The following SPOCK1 variants were observed in gnomAD, a reference collection of about 807,000 sequenced individuals.
The protein encoded by SPOCK1 is testican-1.
SPOCK1 carries 23 observed loss-of-function variants against 55.3 expected under a neutral mutation model. That is an observed-to-expected ratio of 0.42 (90% CI 0.30 to 0.59). SPOCK1 has a LOEUF of 0.59. Among genes scored for constraint, SPOCK1 ranks in the 20% least tolerant of loss-of-function variants. The probability of loss-of-function intolerance (pLI) is 0.22; values close to 1 mark genes in which losing one functional copy is unlikely to be tolerated. For missense variants in SPOCK1, 499 were observed against 552.5 expected (o/e 0.90, Z 0.97); for synonymous variants, 226 against 221.0 (o/e 1.02, Z -0.20).
At chr5:137,090,561 C>G (rs1361002199) in intron 5 of SPOCK1, among the ~76,000 whole-genome samples, 1 of 152,216 alleles carries the variant, frequency 6.6e-6, no homozygotes, top group Non-Finnish European at 1.5e-5. Flanking sequence ...GTCCAGCCAT[C>G]TCCACACCCC....
chr5:137,379,336 T>C (rs75681681), intron 2 of SPOCK1, among the ~76,000 whole-genome samples: 2,114 of 152,242 alleles, frequency 0.014, 44 homozygotes, highest in African/African-American at 0.048. Flanking sequence ...AAGAGTTTCA[T>C]CATAATGATT....
At chr5:137,225,215 T>G (rs1755922943) in intron 3 of SPOCK1, among the ~76,000 whole-genome samples, 1 of 152,020 alleles carries the variant, frequency 6.6e-6, no homozygotes, top group Non-Finnish European at 1.5e-5. Flanking sequence ...AGTGCAGAAC[T>G]GGGCTCAGTT....
chr5:137,245,084 T>C (rs1441901089), intron 3 of SPOCK1, among the ~76,000 whole-genome samples: 4 of 152,128 alleles, frequency 2.6e-5, no homozygotes, highest in African/African-American at 4.8e-5. Context: ...AGATAATGAC[T>C]CTCTCCCTCC....
chr5:137,143,382 A>G (rs1561625391), intron 3 of SPOCK1, among the ~76,000 whole-genome samples: 1 of 152,174 alleles, frequency 6.6e-6, no homozygotes, highest in Non-Finnish European at 1.5e-5. Context: ...CAGTGCAATC[A>G]CAAGGATCAT....
intron 2 of SPOCK1, among the ~76,000 whole-genome samples, chr5:137,325,108 G>C (rs556165202): frequency 6.6e-6 from 1 of 152,128 alleles, no homozygotes; most frequent in South Asian, 2.1e-4. Context: ...CTGTCTTTCC[G>C]AGAGGAAAGG....
chr5:137,068,758 C>T (rs1160189332), intron 5 of SPOCK1, among the ~76,000 whole-genome samples: 3 of 152,194 alleles, frequency 2.0e-5, no homozygotes, highest in African/African-American at 2.4e-5. Flanking sequence ...TATGGGGCTT[C>T]GGAATACAGA....
intron 3 of SPOCK1, among the ~76,000 whole-genome samples, chr5:137,235,491 C>A (rs2127096641): frequency 6.6e-6 from 1 of 152,258 alleles, no homozygotes; most frequent in South Asian, 2.1e-4. Flanking sequence ...CAAGTGCTGA[C>A]AAGAAAAACA....
intron 2 of SPOCK1, among the ~76,000 whole-genome samples, chr5:137,323,806 A>G (rs1237801205): frequency 6.6e-6 from 1 of 152,188 alleles, no homozygotes; most frequent in Non-Finnish European, 1.5e-5. Context: ...TGGAATGACT[A>G]TCACCAAAAA....
At chr5:137,131,520 A>G (rs1171258083) in intron 4 of SPOCK1, among the ~76,000 whole-genome samples, 3 of 152,070 alleles carry the variant, frequency 2.0e-5, no homozygotes, top group Non-Finnish European at 4.4e-5. Flanking sequence ...AGGCAGGAGA[A>G]TCGCTTGAAC....
chr5:137,309,387 G>A (rs1580859527), intron 2 of SPOCK1, among the ~76,000 whole-genome samples: 1 of 152,276 alleles, frequency 6.6e-6, no homozygotes, highest in East Asian at 1.9e-4. Context: ...GGCCGCCCCA[G>A]CCTGGTCTCC....
At chr5:137,174,346 A>T in intron 3 of SPOCK1, among the ~76,000 whole-genome samples, 1 of 152,242 alleles carries the variant, frequency 6.6e-6, no homozygotes, top group Non-Finnish European at 1.5e-5. Flanking sequence ...GGAAGAGACA[A>T]GCTGACCTAA....
At chr5:137,363,369 T>C (rs942736304) in intron 2 of SPOCK1, among the ~76,000 whole-genome samples, 2 of 152,218 alleles carry the variant, frequency 1.3e-5, no homozygotes, top group African/African-American at 4.8e-5. Flanking sequence ...AACTTGTAAA[T>C]ATTGGCTTAC....
intron 6 of SPOCK1, among the ~76,000 whole-genome samples, chr5:137,027,936 G>A (rs771150134): frequency 5.3e-5 from 8 of 152,350 alleles, no homozygotes; most frequent in Non-Finnish European, 8.8e-5. Flanking sequence ...GGGAGAGTGA[G>A]TGTCTATGAG....
intron 5 of SPOCK1, among the ~76,000 whole-genome samples, chr5:137,073,112 T>C (rs573246538): frequency 3.3e-5 from 5 of 152,366 alleles, no homozygotes; most frequent in African/African-American, 7.2e-5. Flanking sequence ...AGAACCTTAT[T>C]GAACATCCAT....
intron 2 of SPOCK1, among the ~76,000 whole-genome samples, chr5:137,441,354 C>A (rs746879500): frequency 6.6e-6 from 1 of 152,212 alleles, no homozygotes; most frequent in African/African-American, 2.4e-5. Flanking sequence ...CAAGACCTAG[C>A]CAAGGAAATC....
At position 137,188,236 on chromosome 5, in the gene SPOCK1, C is replaced by T. The variant is rs190546245; in HGVS notation, c.233-47542G>A. 4.2e-3 allele frequency among the ~76,000 whole-genome samples: 638 copies of T among 152,332 alleles called. 1 individual carries two copies. Among genetic ancestry groups the T allele is most frequent in the Non-Finnish European group, 7.4e-3 (500 of 68,026 alleles). ...CAACTTGCCGCTTGCTCCAGCCACA[C>T]GTGGCCACCACTTTCTGCCTATACA... On this transcript the variant is annotated intron_variant, in intron 3 of 10. Coordinates refer to ENST00000394945, the MANE Select transcript of SPOCK1 (RefSeq NM_004598.4).
intron 2 of SPOCK1, among the ~76,000 whole-genome samples, chr5:137,423,572 C>A (rs1450125135): frequency 6.6e-6 from 1 of 152,190 alleles, no homozygotes. Flanking sequence ...TGGCAATGGA[C>A]CCTCTGAGCC....
At chr5:137,082,363 C>A (rs1752889502) in intron 5 of SPOCK1, among the ~76,000 whole-genome samples, 1 of 152,148 alleles carries the variant, frequency 6.6e-6, no homozygotes, top group South Asian at 2.1e-4. Flanking sequence ...AGAGACATGT[C>A]AGCTACTTGC....
intron 3 of SPOCK1, among the ~76,000 whole-genome samples, chr5:137,240,274 T>C (rs1237427732): frequency 6.6e-6 from 1 of 152,212 alleles, no homozygotes; most frequent in Non-Finnish European, 1.5e-5. Flanking sequence ...GATTGGATTC[T>C]CTCAAGGTTC....
Sources: allele counts gnomAD v4.1 joint callset (sites outside exome capture counted in the v4.1 genomes callset), GRCh38; gene constraint gnomAD v4.1.1; transcripts MANE v1.5; gene names NCBI Gene and HGNC (gene_info 2026-07-23, HGNC 2026-07-21).